Variants in NDUFAF6 observed in about 807,000 individuals in gnomAD.
NDUFAF6 encodes NADH:ubiquinone oxidoreductase complex assembly factor 6, also known as NADH dehydrogenase (ubiquinone) complex I, assembly factor 6.
In NDUFAF6, 45 loss-of-function variants were observed where a neutral mutation model predicts 40.8. That is an observed-to-expected ratio of 1.10 (90% CI 0.87 to 1.42). The LOEUF (loss-of-function observed/expected upper bound fraction) is 1.42. Among genes scored for constraint, NDUFAF6 ranks in the 40% most tolerant of loss-of-function variants. The probability of loss-of-function intolerance (pLI) is 0.00; values close to 1 mark genes in which losing one functional copy is unlikely to be tolerated. For synonymous variants in NDUFAF6, 185 were observed against 155.9 expected, an observed-to-expected ratio of 1.19 and a Z score of -1.39; for missense variants, 435 against 418.5, an observed-to-expected ratio of 1.04 and a Z score of -0.34.
At chr8:95,001,739 G>A (rs924740663) in intron 2 of NDUFAF6, among the ~76,000 whole-genome samples, 3 of 152,182 alleles carry the variant, frequency 2.0e-5, no homozygotes, top group African/African-American at 7.2e-5. Flanking sequence ...GAAGCAGGCT[G>A]AAGAGGAAAT....
chr8:94,960,464 A>G (rs1439405696), intron 1 of NDUFAF6, among the ~76,000 whole-genome samples: 1 of 152,174 alleles, frequency 6.6e-6, no homozygotes, highest in Non-Finnish European at 1.5e-5. Context: ...AAACTGCTCC[A>G]TGTCTGTTAT....
At chr8:94,897,237 T>A (rs1817685994) in intron 1 of NDUFAF6, among the ~76,000 whole-genome samples, 1 of 152,150 alleles carries the variant, frequency 6.6e-6, no homozygotes. Context: ...AGTTAACTAG[T>A]AAATTGATTT....
intron 8 of NDUFAF6, among the ~76,000 whole-genome samples, chr8:95,052,853 G>A (rs998518752): frequency 2.6e-5 from 4 of 152,092 alleles, no homozygotes; most frequent in African/African-American, 9.7e-5. Flanking sequence ...AGACAGGTTT[G>A]GGAACTGTTG....
chr8:95,113,891 T>C (rs937011361), intron 4 of NDUFAF6, among the ~76,000 whole-genome samples: 1 of 151,282 alleles, frequency 6.6e-6, no homozygotes, highest in Non-Finnish European at 1.5e-5. Flanking sequence ...TCATTCTCAG[T>C]AAACTATCGC....
intron 4 of NDUFAF6, among the ~76,000 whole-genome samples, chr8:95,114,163 A>ACAACAAAC (rs1554693678): frequency 6.6e-6 from 1 of 151,386 alleles, no homozygotes; most frequent in Non-Finnish European, 1.5e-5. Flanking sequence ...TAATAATAAT[A>ACAACAAAC]AAACAAACAA....
Position 95,058,273 on chromosome 8 carries a change from T to A in NDUFAF6, c.*336T>A. 1 of 1,297,044 alleles carries A rather than the reference T, an allele frequency of 7.7e-7. No homozygotes were observed. 80.3% of individuals were successfully genotyped at this position (1,297,044 alleles called of 1,614,324 possible). A position where few individuals can be genotyped will look rare whatever the true frequency, so the allele number is the denominator to read the frequency against. ...CAGGGAGAAGGAATGTCATTCTCCC[T>A]TCACCACTGGGGAAGGAAAGGGGAA... On this transcript the variant is annotated 3_prime_UTR_variant, in exon 9 of 9. Transcript: ENST00000396124.
At chr8:95,077,398 T>C (rs1808666087), downstream of NDUFAF6, among the ~76,000 whole-genome samples, 1 of 152,120 alleles carries the variant, frequency 6.6e-6, no homozygotes, top group African/African-American at 2.4e-5. Flanking sequence ...AAACCCTATA[T>C]ATACTATATT....
intron 1 of NDUFAF6, among the ~76,000 whole-genome samples, chr8:94,968,122 G>C (rs889920730): frequency 7.2e-5 from 11 of 152,190 alleles, no homozygotes; most frequent in African/African-American, 2.7e-4. Flanking sequence ...GGAGTTGCGG[G>C]TGGAAAGGAA....
chr8:94,945,297 T>G (rs988391417), intron 1 of NDUFAF6, among the ~76,000 whole-genome samples: 1 of 152,238 alleles, frequency 6.6e-6, no homozygotes, highest in African/African-American at 2.4e-5. Context: ...TAGAGTGTAT[T>G]TCAAAGACTT....
intron 1 of NDUFAF6, among the ~76,000 whole-genome samples, chr8:94,907,368 T>TA (rs1290940222): frequency 1.3e-5 from 2 of 152,176 alleles, no homozygotes; most frequent in Non-Finnish European, 2.9e-5. Context: ...GAGCAATAGT[T>TA]AGAGGTTAGA....
intron 2 of NDUFAF6, among the ~76,000 whole-genome samples, chr8:94,946,278 T>C (rs1821983390): frequency 6.6e-6 from 1 of 152,154 alleles, no homozygotes; most frequent in South Asian, 2.1e-4. Context: ...AGTCTAATAC[T>C]CACGGGGAAG....
At chr8:94,947,928 C>T (rs920245358) in intron 2 of NDUFAF6, among the ~76,000 whole-genome samples, 12 of 152,232 alleles carry the variant, frequency 7.9e-5, no homozygotes, top group Non-Finnish European at 1.6e-4. Context: ...CAGTGCTTTT[C>T]ACATCTGCAA....
chr8:94,927,254 C>A (rs1819976300), intron 1 of NDUFAF6: 1 of 152,408 alleles, frequency 6.6e-6, no homozygotes, highest in South Asian at 2.1e-4. Flanking sequence ...CTTAAGAGTA[C>A]ATAAAGATAA....
At chr8:94,962,736 C>T (rs983458354) in intron 1 of NDUFAF6, among the ~76,000 whole-genome samples, 1 of 151,966 alleles carries the variant, frequency 6.6e-6, no homozygotes, top group Non-Finnish European at 1.5e-5. Context: ...CCTTGGCTTC[C>T]CAAATTGCTT....
intron 2 of NDUFAF6, among the ~76,000 whole-genome samples, chr8:95,019,289 C>T (rs958662660): frequency 9.9e-5 from 15 of 152,210 alleles, no homozygotes; most frequent in Admixed American, 8.5e-4. Flanking sequence ...GGATTACAGG[C>T]GTGAGCCACT....
downstream of NDUFAF6, among the ~76,000 whole-genome samples, chr8:95,079,300 T>C (rs1808743455): frequency 6.6e-6 from 1 of 152,156 alleles, no homozygotes; most frequent in African/African-American, 2.4e-5. Flanking sequence ...TGCTTCCAGT[T>C]TGGGGCAATA....
chr8:94,926,527 AG>A (rs1819917034), intron 1 of NDUFAF6: 1 of 151,992 alleles, frequency 6.6e-6, no homozygotes, highest in Admixed American at 6.5e-5. Flanking sequence ...TAACCTCCCC[AG>A]GTACTGGTTT....
intron 1 of NDUFAF6, among the ~76,000 whole-genome samples, chr8:94,923,915 C>T (rs954279040): frequency 1.3e-5 from 2 of 150,894 alleles, no homozygotes; most frequent in East Asian, 3.9e-4. Flanking sequence ...GTCTCAAACT[C>T]CTGACCTTGT....
At chr8:95,035,344 C>T in intron 2 of NDUFAF6, 110 bp from the exon 3 acceptor site, 1 of 1,112,990 alleles carries the variant, frequency 9.0e-7, no homozygotes, top group Non-Finnish European at 1.3e-6. Flanking sequence ...TATTTATCAC[C>T]ATAGTCATAA....
Sources: gnomAD v4.1 joint callset for allele counts (sites outside exome capture counted in the v4.1 genomes callset) on GRCh38, gnomAD v4.1.1 for gene constraint, MANE v1.5 for transcripts, NCBI Gene and HGNC (gene_info 2026-07-23, HGNC 2026-07-21) for gene names.